Variants in ARHGEF1 observed in about 807,000 individuals in gnomAD.
ARHGEF1 encodes the protein 115 kDa guanine nucleotide exchange factor.
Under a neutral mutation model 119.7 loss-of-function variants are expected in ARHGEF1, and 40 were observed. The ratio of observed to expected loss-of-function variants is 0.33; its 90% CI spans 0.26 to 0.44. The LOEUF (loss-of-function observed/expected upper bound fraction) is 0.44. ARHGEF1 is among the 20% of genes least tolerant of loss of function. The probability of loss-of-function intolerance (pLI) is 1.00; values close to 1 mark genes in which losing one functional copy is unlikely to be tolerated. For synonymous variants in ARHGEF1, 494 were observed against 521.0 expected (o/e 0.95, Z 0.71); for missense variants, 976 against 1,268.3 (o/e 0.77, Z 3.50).
chr19:41,915,932 A>G (rs113072662), intron 18 of ARHGEF1, among the ~76,000 whole-genome samples: 40,790 of 142,320 alleles, frequency 0.29, 11,283 homozygotes, highest in African/African-American at 0.72. Context: ...ACAATCCCCC[A>G]CCCCCCTCCC....
At position 41,894,473 on chromosome 19, in the gene ARHGEF1, A is replaced by G. The variant is rs781874408; in HGVS notation, c.767A>G (p.Asp256Gly). ...CAGGTGATGGGGAACCGGCGGTCGG[A>G]CGAGCCTGCCAAGACCAAGAAGGGG... The part of the protein sequence containing the change: ...RKKVMGNRRS[D>G]EPAKTKKGLS... Residue 256 changes from aspartate (D) to glycine (G), a missense_variant, in exon 10 of 29, where the codon GAC becomes GGC. Asp to Gly is a moderately conservative substitution (Grantham distance 94). Transcript: ENST00000354532. 6.4e-7 allele frequency: 1 copy of G among 1,569,702 alleles called. No individual in the cohort carries two copies. Among genetic ancestry groups the G allele is most frequent in the Non-Finnish European group, 8.7e-7 (1 of 1,155,266 alleles).
rs1555850502 is a variant in ARHGEF1, at chr19:41,907,232, C to T, written c.*145C>T. 1.3e-6 allele frequency: 2 copies of T among 1,519,322 alleles called. No individual in the cohort carries two copies. Among genetic ancestry groups the T allele is most frequent in the Non-Finnish European group, 1.8e-6 (2 of 1,138,212 alleles). The allele number at this position is 1,519,322 out of a possible 1,614,324, so 94.1% of individuals were successfully genotyped here. A position where few individuals can be genotyped will look rare whatever the true frequency, so the allele number is the denominator to read the frequency against. Reference sequence around the variant, plus strand: ...AGCTGTGGGCCACGCCTGGGAGGGGCCCAGCTGGGGTTACTGGCCCCGCAT... The same window carrying T: ...AGCTGTGGGCCACGCCTGGGAGGGGTCCAGCTGGGGTTACTGGCCCCGCAT... On this transcript the variant is annotated 3_prime_UTR_variant, in exon 29 of 29. Transcript: ENST00000354532.
At position 41,907,132 on chromosome 19, in the gene ARHGEF1, G is replaced by T; in HGVS notation, c.*45G>T. 6.5e-7 allele frequency: 1 copy of T among 1,530,770 alleles called. No homozygotes were observed. The highest frequency in any genetic ancestry group is 8.7e-7 in the Non-Finnish European group (1 of 1,144,548). 94.8% of individuals were successfully genotyped at this position (1,530,770 alleles called of 1,614,324 possible). The stretch of plus-strand genomic sequence containing the variant: ...CTTTTGCAAGAAGGAGAGGAATGGG[G>T]GAGAGGACGTGAGGGACCACCCCCA... On this transcript the variant is annotated 3_prime_UTR_variant, in exon 29 of 29. Coordinates refer to ENST00000354532, the MANE Select transcript of ARHGEF1 (RefSeq NM_004706.4).
At position 41,904,903 on chromosome 19, in the gene ARHGEF1, C is replaced by T. The variant is rs2074665422; in HGVS notation, c.2162-46C>T. On this transcript the variant is annotated intron_variant, in intron 22 of 28. Coordinates refer to ENST00000354532, the MANE Select transcript of ARHGEF1 (RefSeq NM_004706.4). This position sits in a 1 kb window ranked among gnomAD's most constrained non-coding sequence, Gnocchi z 8.4. Reference sequence around the variant, plus strand: ...GCTTGTGCTTAGGGAGGGGCAGGCACTGGGGGGACCTGGGCTCTGAGCCCC... The same window carrying T: ...GCTTGTGCTTAGGGAGGGGCAGGCATTGGGGGGACCTGGGCTCTGAGCCCC... The T allele has an allele frequency of 7.1e-6, 11 of 1,544,740 alleles. No individual in the cohort carries two copies. Among genetic ancestry groups the T allele is most frequent in the Non-Finnish European group, 8.9e-6 (10 of 1,117,464 alleles).
chr19:41,897,188 G>GC, intron 13 of ARHGEF1: 1 of 962,370 alleles, frequency 1.0e-6, no homozygotes, highest in Non-Finnish European at 1.4e-6. Flanking sequence ...CCCCCTTACA[G>GC]CTGGGGGGCA....
chr19:41,908,294 G>A (rs1198608143), downstream of ARHGEF1: 6 of 1,231,518 alleles, frequency 4.9e-6, no homozygotes, highest in Middle Eastern at 3.1e-4. The surrounding 1 kb of genome is among the most constrained non-coding windows in gnomAD (Gnocchi z 6.7). Context: ...CATCGCCCTC[G>A]CTGTCAGAGC....
chr19:41,904,404 GC>G lies in ARHGEF1; in HGVS notation c.2161+24del, dbSNP rs2074656450. On this transcript the variant is annotated intron_variant, in intron 22 of 28. Transcript: ENST00000354532. The surrounding 1 kb of genome is among the most constrained non-coding windows in gnomAD (Gnocchi z 8.4). ...CACCGGTGAGTGCAGCCACTGCATGGCCCAGGGCAGAGGGTGTCTTTTTTGG... is the reference window on the plus strand; with the variant it reads ...CACCGGTGAGTGCAGCCACTGCATGGCCAGGGCAGAGGGTGTCTTTTTTGG... The G allele has an allele frequency of 7.2e-6, 11 of 1,534,984 alleles. No individual in the cohort carries two copies. Among genetic ancestry groups the G allele is most frequent in the Non-Finnish European group, 9.6e-6 (11 of 1,142,802 alleles).
chr19:41,892,956 G>A lies in ARHGEF1; in HGVS notation c.614+107G>A, dbSNP rs1377791390. 7.1e-7 allele frequency: 1 copy of A among 1,408,862 alleles called. No homozygotes were observed. The highest frequency in any genetic ancestry group is 1.4e-5 in the African/African-American group (1 of 69,150). 87.3% of individuals were successfully genotyped at this position (1,408,862 alleles called of 1,614,324 possible). A position where few individuals can be genotyped will look rare whatever the true frequency, so the allele number is the denominator to read the frequency against. On this transcript the variant is annotated intron_variant, in intron 7 of 28. Transcript: ENST00000354532. This position sits in a 1 kb window ranked among gnomAD's most constrained non-coding sequence, Gnocchi z 6.3. ...TTTGCAGGTTCCCTCTTCAGGGTCA[G>A]AGTTCATTTCTTGGCACTGGGGGTC... is the stretch of plus-strand genomic sequence containing the variant.
In ARHGEF1 at chr19:41,895,348, G is replaced by T; in HGVS notation, c.878-1G>T. On this transcript the variant is annotated splice_acceptor_variant, in intron 11 of 28. Coordinates refer to ENST00000354532, the MANE Select transcript of ARHGEF1 (RefSeq NM_004706.4). LOFTEE classifies it high-confidence loss of function. The stretch of plus-strand genomic sequence containing the variant: ...CTCTTTCTCCCTCACTGTCTCCCCA[G>T]CCGAGAAGCCAGGTGCTACAGACCG... 1 of 1,605,068 alleles carries T rather than the reference G, an allele frequency of 6.2e-7. No homozygotes were observed.
Position 41,906,058 on chromosome 19 carries a change from C to T in ARHGEF1, c.2491+33C>T, listed in dbSNP as rs782391214. Reference sequence around the variant, plus strand: ...AGCTCTGCCCCTCCAGGGTGGCCACCAGCCCAAACAGTGCCTCTGTTCCAA... The same window carrying T: ...AGCTCTGCCCCTCCAGGGTGGCCACTAGCCCAAACAGTGCCTCTGTTCCAA... On this transcript the variant is annotated intron_variant, in intron 26 of 28. Coordinates refer to ENST00000354532, the MANE Select transcript of ARHGEF1 (RefSeq NM_004706.4). The surrounding 1 kb of genome is among the most constrained non-coding windows in gnomAD (Gnocchi z 4.5). 4 of 1,581,902 alleles carry T rather than the reference C, an allele frequency of 2.5e-6. No homozygotes were observed. The highest frequency in any genetic ancestry group is 2.6e-6 in the Non-Finnish European group (3 of 1,152,226).
chr19:41,922,631 G>A (rs1248545431), upstream of ARHGEF1, among the ~76,000 whole-genome samples: 1 of 152,008 alleles, frequency 6.6e-6, no homozygotes, highest in Non-Finnish European at 1.5e-5. Flanking sequence ...AGGCAGTGGG[G>A]CAGGCCTGAG....
downstream of ARHGEF1, among the ~76,000 whole-genome samples, chr19:41,911,979 C>T (rs1003737806): frequency 6.6e-6 from 1 of 151,990 alleles, no homozygotes; most frequent in Non-Finnish European, 1.5e-5. Context: ...TGCATCCCCC[C>T]CACAGCCCCA....
chr19:41,895,618 T>G (rs544707352), intron 12 of ARHGEF1, 132 bp downstream of exon 12: 2 of 977,262 alleles, frequency 2.0e-6, no homozygotes, highest in Admixed American at 2.8e-5. Context: ...CATCCACTTC[T>G]CCCTGCTCCT....
chr19:41,912,943 CG>C, intron 18 of ARHGEF1: 1 of 1,206,904 alleles, frequency 8.3e-7, no homozygotes, highest in African/African-American at 1.6e-5. Flanking sequence ...CTGCAGAGGC[CG>C]GGAGGGACAC....
At chr19:41,915,764 G>A (rs2074796977) in intron 18 of ARHGEF1, among the ~76,000 whole-genome samples, 1 of 152,048 alleles carries the variant, frequency 6.6e-6, no homozygotes, top group Non-Finnish European at 1.5e-5. Flanking sequence ...ATCTCACCCT[G>A]CCCCTGGCGC....
chr19:41,926,733 G>A (rs2074873480), intron 1 of ARHGEF1, among the ~76,000 whole-genome samples: 1 of 152,190 alleles, frequency 6.6e-6, no homozygotes, highest in East Asian at 1.9e-4. Flanking sequence ...GCGGGCGGGG[G>A]GGCCGTTTAG....
intron 18 of ARHGEF1, among the ~76,000 whole-genome samples, chr19:41,913,467 C>G (rs553307555): frequency 6.6e-6 from 1 of 151,850 alleles, no homozygotes; most frequent in African/African-American, 2.4e-5. Context: ...GCGGGCTCTT[C>G]CAGCCCAGGC....
At position 41,907,254 on chromosome 19, in the gene ARHGEF1, G is replaced by A. The variant is rs575792982; in HGVS notation, c.*167G>A. The A allele has an allele frequency of 1.8e-5, 27 of 1,523,866 alleles. No individual in the cohort carries two copies. Among genetic ancestry groups the A allele is most frequent in the East Asian group, 2.5e-5 (1 of 40,540 alleles). 94.4% of individuals were successfully genotyped at this position (1,523,866 alleles called of 1,614,324 possible). On this transcript the variant is annotated 3_prime_UTR_variant, in exon 29 of 29. Coordinates refer to ENST00000354532, the MANE Select transcript of ARHGEF1 (RefSeq NM_004706.4). ...GGGCCCAGCTGGGGTTACTGGCCCC[G>A]CATGAGCCTCGGCCATCTCTCCCTC...
At position 41,894,464 on chromosome 19, in the gene ARHGEF1, G is replaced by A. The variant is rs749020865; in HGVS notation, c.758G>A (p.Arg253Gln). Residue 253 changes from arginine (R) to glutamine (Q), a missense_variant, in exon 10 of 29, where the codon CGG becomes CAG. Coordinates refer to ENST00000354532, the MANE Select transcript of ARHGEF1 (RefSeq NM_004706.4). Reference protein sequence around the residue: ...NFFRKKVMGNRRSDEPAKTKK... With the variant: ...NFFRKKVMGNQRSDEPAKTKK... ...GCCCTCTCACAGGTGATGGGGAACC[G>A]GCGGTCGGACGAGCCTGCCAAGACC... 1 of 1,563,510 alleles carries A rather than the reference G, an allele frequency of 6.4e-7. No homozygotes were observed. The highest frequency in any genetic ancestry group is 8.7e-7 in the Non-Finnish European group (1 of 1,152,450).
Sources: allele counts gnomAD v4.1 joint callset (sites outside exome capture counted in the v4.1 genomes callset), GRCh38; gene constraint gnomAD v4.1.1; non-coding constraint Gnocchi (gnomAD v3.1); transcripts MANE v1.5; gene names NCBI Gene and HGNC (gene_info 2026-07-23, HGNC 2026-07-21).